The following TENM3 variants were observed in gnomAD, a reference collection of about 807,000 sequenced individuals.
The protein encoded by TENM3 is teneurin transmembrane protein 3.
TENM3 carries 63 observed loss-of-function variants against 255.1 expected under a neutral mutation model. The observed-to-expected ratio is 0.25, with a 90% CI of 0.20 to 0.30. The LOEUF is 0.30. TENM3 is among the 10% of genes least tolerant of loss of function. TENM3 has a pLI of 1.00. For missense variants in TENM3, 2,929 were observed against 3,461.1 expected (o/e 0.85, Z 3.86); for synonymous variants, 1,306 against 1,322.3 (o/e 0.99, Z 0.27).
At chr4:182,549,030 G>T (rs567016973) in intron 3 of TENM3, among the ~76,000 whole-genome samples, 1 of 152,284 alleles carries the variant, frequency 6.6e-6, no homozygotes, top group Non-Finnish European at 1.5e-5. Flanking sequence ...TGGCAGCCCA[G>T]CAATAACTTA....
At chr4:182,535,739 CAAA>C (rs113823765) in intron 3 of TENM3, among the ~76,000 whole-genome samples, 2 of 110,486 alleles carry the variant, frequency 1.8e-5, no homozygotes, top group Non-Finnish European at 1.9e-5. Flanking sequence ...GACCCTATGT[CAAA>C]AAAAAAAAAA....
intron 1 of TENM3, among the ~76,000 whole-genome samples, chr4:182,190,739 C>T (rs1314088427): frequency 1.3e-5 from 2 of 152,008 alleles, no homozygotes; most frequent in African/African-American, 4.8e-5. Flanking sequence ...AATTTATGAT[C>T]AGTGAAATAA....
At chr4:182,218,986 G>A (rs1363318980) in intron 1 of TENM3, among the ~76,000 whole-genome samples, 1 of 152,242 alleles carries the variant, frequency 6.6e-6, no homozygotes, top group Non-Finnish European at 1.5e-5. Context: ...GCACTGGGAG[G>A]CCGAGGCAGG....
the TENM3 span, among the ~76,000 whole-genome samples, chr4:181,931,868 C>T: frequency 0.016 from 2,368 of 152,216 alleles, 51 homozygotes; most frequent in African/African-American, 0.054. Flanking sequence ...CACAACACAT[C>T]TACAACCATC....
chr4:182,784,124 G>A (rs1038268355), intron 24 of TENM3, among the ~76,000 whole-genome samples: 3 of 152,204 alleles, frequency 2.0e-5, no homozygotes, highest in African/African-American at 7.2e-5. Context: ...GAGGAGGAGA[G>A]GCGCTCTGCT....
At chr4:181,954,852 AT>A in the TENM3 span, among the ~76,000 whole-genome samples, 1 of 152,196 alleles carries the variant, frequency 6.6e-6, no homozygotes, top group Non-Finnish European at 1.5e-5. Flanking sequence ...TACAACTAGT[AT>A]AATTCTGTAT....
the TENM3 span, among the ~76,000 whole-genome samples, chr4:182,064,810 C>T: frequency 6.6e-6 from 1 of 151,938 alleles, no homozygotes; most frequent in Non-Finnish European, 1.5e-5. Flanking sequence ...CAGGAGTGTT[C>T]GGGAAAGAAA....
chr4:182,432,359 C>T (rs140114898), intron 3 of TENM3, among the ~76,000 whole-genome samples: 9 of 152,256 alleles, frequency 5.9e-5, no homozygotes, highest in Non-Finnish European at 1.0e-4. Flanking sequence ...TTTTCTCTGA[C>T]ATGCAGAAGT....
the TENM3 span, among the ~76,000 whole-genome samples, chr4:181,582,669 C>CAAAAAAAAAAAAAAAAA: frequency 8.0e-6 from 1 of 124,748 alleles, no homozygotes; most frequent in African/African-American, 3.1e-5. Flanking sequence ...CAAAACAAAT[C>CAAAAAAAAAAAAAAAAA]AAAAAAAAAA....
At chr4:181,605,632 A>G in the TENM3 span, among the ~76,000 whole-genome samples, 1 of 151,962 alleles carries the variant, frequency 6.6e-6, no homozygotes, top group Non-Finnish European at 1.5e-5. Flanking sequence ...GAACAAGCAA[A>G]CCAGCACCAC....
chr4:182,462,579 T>C (rs1421119178), intron 3 of TENM3, among the ~76,000 whole-genome samples: 3 of 151,902 alleles, frequency 2.0e-5, no homozygotes, highest in Non-Finnish European at 2.9e-5. Flanking sequence ...CAAGTTCTTA[T>C]GGCATTACAA....
At chr4:181,934,009 T>G in the TENM3 span, among the ~76,000 whole-genome samples, 11 of 151,998 alleles carry the variant, frequency 7.2e-5, no homozygotes, top group African/African-American at 2.7e-4. Context: ...CTAGAAACAG[T>G]TTGATTAAAT....
rs555183814 is a variant in TENM3, at chr4:182,752,016, A to G, written c.3846A>G (p.Thr1282=). 4.8e-5 allele frequency: 77 copies of G among 1,606,814 alleles called. 3 individuals are homozygous for G. The South Asian group carries it at 7.8e-4, about 16-fold the overall frequency. The change falls in exon 20 of 28, where the codon ACA becomes ACG. Residue 1282 remains threonine, a synonymous_variant. Transcript: ENST00000511685. The part of the protein sequence containing the change: ...CGDGGKAVEA[T]LMSPKGMAVD... ...ATGGAGGGAAGGCCGTGGAAGCCAC[A>G]CTCATGAGTCCCAAAGGTACCGGCA...
At chr4:181,984,068 C>T in the TENM3 span, among the ~76,000 whole-genome samples, 1 of 151,884 alleles carries the variant, frequency 6.6e-6, no homozygotes, top group Admixed American at 6.6e-5. Context: ...ATTCTTCTAC[C>T]CCCACTTCCC....
At chr4:182,066,874 G>A in the TENM3 span, among the ~76,000 whole-genome samples, 4 of 152,138 alleles carry the variant, frequency 2.6e-5, no homozygotes, top group Middle Eastern at 3.2e-3. Flanking sequence ...TCGCACCGCT[G>A]CACTCCAGCC....
At chr4:181,978,172 C>T in the TENM3 span, among the ~76,000 whole-genome samples, 2 of 152,096 alleles carry the variant, frequency 1.3e-5, no homozygotes, top group African/African-American at 4.8e-5. Context: ...AAAACAGAAT[C>T]GTAACTCTTG....
At chr4:182,643,750 C>T (rs1319767491) in intron 5 of TENM3, among the ~76,000 whole-genome samples, 2 of 152,138 alleles carry the variant, frequency 1.3e-5, no homozygotes, top group Non-Finnish European at 2.9e-5. Context: ...TTAATATGTT[C>T]CTAATGAATC....
the TENM3 span, among the ~76,000 whole-genome samples, chr4:181,652,763 C>G: frequency 5.3e-5 from 8 of 152,242 alleles, no homozygotes; most frequent in South Asian, 1.7e-3. Context: ...TAATAGTAAT[C>G]AATGTTTTCA....
chr4:181,760,266 C>T, the TENM3 span, among the ~76,000 whole-genome samples: 1 of 151,724 alleles, frequency 6.6e-6, no homozygotes, highest in Non-Finnish European at 1.5e-5. Flanking sequence ...AAAACAGGAC[C>T]CCCAAACTAA....
Sources: gnomAD v4.1 joint callset for allele counts (sites outside exome capture counted in the v4.1 genomes callset) on GRCh38, gnomAD v4.1.1 for gene constraint, MANE v1.5 for transcripts, NCBI Gene and HGNC (gene_info 2026-07-23, HGNC 2026-07-21) for gene names.